Variants in CCNJL observed in about 807,000 individuals in gnomAD.
CCNJL encodes the protein cyclin-J-like protein.
Under a neutral mutation model 33.4 loss-of-function variants are expected in CCNJL, and 33 were observed. The ratio of observed to expected loss-of-function variants is 0.99; its 90% CI spans 0.75 to 1.32. CCNJL has a LOEUF of 1.32. CCNJL is among the 40% of genes most tolerant of loss of function. The pLI is 0.00. For synonymous variants in CCNJL, 227 were observed against 220.9 expected (o/e 1.03, Z -0.24); for missense variants, 512 against 499.7 (o/e 1.02, Z -0.23).
intron 3 of CCNJL, among the ~76,000 whole-genome samples, chr5:160,266,125 G>A (rs958491340): frequency 2.0e-5 from 3 of 152,240 alleles, no homozygotes; most frequent in Non-Finnish European, 4.4e-5. Context: ...TGGTACCCAG[G>A]CCTTGCCTTT....
At chr5:160,265,286 T>C (rs188402595) in intron 3 of CCNJL, among the ~76,000 whole-genome samples, 177 of 152,300 alleles carry the variant, frequency 1.2e-3, no homozygotes, top group African/African-American at 4.2e-3. Context: ...GGCCAAAGTT[T>C]CCTGGCTAAA....
intron 1 of CCNJL, among the ~76,000 whole-genome samples, chr5:160,329,444 G>A (rs35250544): frequency 0.37 from 55,419 of 149,734 alleles, 11,673 homozygotes; most frequent in Middle Eastern, 0.5. Flanking sequence ...TCCACCTCCC[G>A]GGTTCATGCC....
At position 160,303,700 on chromosome 5, in the gene CCNJL, C is replaced by CTGTGTGTGTG. The variant is rs551491563; in HGVS notation, c.66+8148_66+8157dup. On this transcript the variant is annotated intron_variant, in intron 2 of 5. Transcript: ENST00000257536. ...TTTCTTAAACAAATCCTCTGTGTGT[C>CTGTGTGTGTG]TGTGTGTGTGTGTGTGTGTGTGTGT... Among the ~76,000 whole-genome samples, 97 of 104,292 alleles carry CTGTGTGTGTG rather than the reference C, an allele frequency of 9.3e-4. 2 individuals are homozygous for CTGTGTGTGTG. Among genetic ancestry groups the CTGTGTGTGTG allele is most frequent in the Middle Eastern group, 4.0e-3 (1 of 248 alleles). The allele number at this position is 104,292 out of a possible 152,430, so 68.4% of individuals were successfully genotyped here.
At chr5:160,254,342 C>T in intron 5 of CCNJL, 1 of 661,168 alleles carries the variant, frequency 1.5e-6, no homozygotes, top group Non-Finnish European at 2.7e-6. Flanking sequence ...GGGGCTGGAA[C>T]AGAGATTTTT....
chr5:160,303,742 GTGTA>G (rs1763002655), intron 2 of CCNJL, among the ~76,000 whole-genome samples: 2 of 150,264 alleles, frequency 1.3e-5, no homozygotes, highest in South Asian at 2.1e-4. Flanking sequence ...GTGTGTGTGT[GTGTA>G]ATAACTCAAA....
At chr5:160,258,567 A>C (rs984236235) in intron 4 of CCNJL, 148 of 1,511,122 alleles carry the variant, frequency 9.8e-5, no homozygotes, top group Non-Finnish European at 1.3e-4. Flanking sequence ...GAAAAGAAAG[A>C]GCAGAATGGG....
At chr5:160,262,651 G>T (rs985123079) in intron 3 of CCNJL, among the ~76,000 whole-genome samples, 1 of 152,236 alleles carries the variant, frequency 6.6e-6, no homozygotes, top group Admixed American at 6.5e-5. Context: ...CTTCTAGGTA[G>T]GTTCTTTACA....
chr5:160,323,672 AGGGG>A (rs1016236321), intron 1 of CCNJL, among the ~76,000 whole-genome samples: 1 of 152,182 alleles, frequency 6.6e-6, no homozygotes, highest in Admixed American at 6.5e-5. Context: ...TGACTGGGCC[AGGGG>A]GTGCCCACAT....
intron 3 of CCNJL, among the ~76,000 whole-genome samples, chr5:160,259,994 CCTCT>C (rs1484258998): frequency 1.3e-5 from 2 of 152,238 alleles, no homozygotes; most frequent in African/African-American, 2.4e-5. Context: ...GGTGTCTCAA[CCTCT>C]CTGTGACTCA....
At chr5:160,327,991 A>G (rs1353825301) in intron 1 of CCNJL, among the ~76,000 whole-genome samples, 3 of 152,244 alleles carry the variant, frequency 2.0e-5, no homozygotes, top group Non-Finnish European at 4.4e-5. Flanking sequence ...GAATGCCTCC[A>G]TTGAGAGCTG....
intron 3 of CCNJL, among the ~76,000 whole-genome samples, chr5:160,269,739 A>G (rs1434795058): frequency 1.3e-5 from 2 of 152,064 alleles, no homozygotes; most frequent in Admixed American, 1.3e-4. Context: ...CCGCGTTCTG[A>G]CCTGAATCTT....
chr5:160,282,969 AT>A, intron 2 of CCNJL, among the ~76,000 whole-genome samples: 1 of 23,262 alleles, frequency 4.3e-5, no homozygotes, highest in Non-Finnish European at 7.0e-5. Context: ...TCCTTGGAAT[AT>A]ATATATATAT....
chr5:160,303,068 T>C (rs1762974842), intron 2 of CCNJL, among the ~76,000 whole-genome samples: 1 of 152,222 alleles, frequency 6.6e-6, no homozygotes, highest in Admixed American at 6.5e-5. Context: ...TCATGTGTTA[T>C]CTGTTCTAAA....
intron 1 of CCNJL, among the ~76,000 whole-genome samples, chr5:160,319,613 G>A (rs566430737): frequency 1.4e-4 from 21 of 152,264 alleles, no homozygotes; most frequent in Non-Finnish European, 1.8e-4. Context: ...AGTAAAGGAC[G>A]TCGTCAATAT....
At chr5:160,300,318 C>T (rs1762882839) in intron 2 of CCNJL, among the ~76,000 whole-genome samples, 2 of 152,098 alleles carry the variant, frequency 1.3e-5, no homozygotes, top group African/African-American at 4.8e-5. Flanking sequence ...CCTTAACAGC[C>T]CTCATCCAGC....
At chr5:160,323,220 G>A (rs1763494556) in intron 1 of CCNJL, among the ~76,000 whole-genome samples, 1 of 149,612 alleles carries the variant, frequency 6.7e-6, no homozygotes. Flanking sequence ...GGGCAACAGA[G>A]CGAGACTCCA....
upstream of CCNJL, chr5:160,315,493 C>T (rs371136360): frequency 7.5e-5 from 29 of 387,098 alleles, no homozygotes; most frequent in South Asian, 4.4e-4. Context: ...GGCAACAGAG[C>T]GAGACACTGC....
At chr5:160,256,605 TA>T (rs1761072645) in intron 4 of CCNJL, among the ~76,000 whole-genome samples, 10 of 152,214 alleles carry the variant, frequency 6.6e-5, no homozygotes, top group Admixed American at 5.9e-4. Flanking sequence ...TTCAGTTTAT[TA>T]CTCTGTTGTC....
At position 160,251,400 on chromosome 5, in the gene CCNJL, A is replaced by G. The variant is rs1182790137; in HGVS notation, c.*1978T>C. The G allele has an allele frequency of 6.6e-6, 1 of 152,096 alleles. No individual in the cohort carries two copies. Among genetic ancestry groups the G allele is most frequent in the Non-Finnish European group, 1.5e-5 (1 of 68,016 alleles). 9.4% of individuals were successfully genotyped at this position (152,096 alleles called of 1,614,324 possible). A position where few individuals can be genotyped will look rare whatever the true frequency, so the allele number is the denominator to read the frequency against. ...TTCCTTAAAATAAATCTCTCTCCAT[A>G]TATATCCTACTGGTTTCTTTGGAAA... On this transcript the variant is annotated 3_prime_UTR_variant, in exon 6 of 6. Transcript: ENST00000257536.
Sources: gnomAD v4.1 joint callset for allele counts (sites outside exome capture counted in the v4.1 genomes callset) on GRCh38, gnomAD v4.1.1 for gene constraint, MANE v1.5 for transcripts, NCBI Gene and HGNC (gene_info 2026-07-23, HGNC 2026-07-21) for gene names.